Variants in CSMD1 observed in about 807,000 individuals in gnomAD.
The protein encoded by CSMD1 is CUB and Sushi multiple domains 1, also known as CUB and sushi domain-containing protein 1.
CSMD1 carries 213 observed loss-of-function variants against 417.5 expected under a neutral mutation model. The ratio of observed to expected loss-of-function variants is 0.51; its 90% CI spans 0.46 to 0.57. The LOEUF is 0.57. Among genes scored for constraint, CSMD1 ranks in the 20% least tolerant of loss-of-function variants. The pLI is 0.00. For synonymous variants in CSMD1, 2,862 were observed against 1,736.8 expected (o/e 1.65, Z -16.11); for missense variants, 6,923 against 4,529.7 (o/e 1.53, Z -15.17).
At chr8:4,329,415 G>A (rs1014441165) in intron 3 of CSMD1, among the ~76,000 whole-genome samples, 4 of 151,804 alleles carry the variant, frequency 2.6e-5, no homozygotes, top group African/African-American at 9.7e-5. Flanking sequence ...CAGCCTCCCG[G>A]GTAGCTGGGA....
intron 2 of CSMD1, among the ~76,000 whole-genome samples, chr8:4,537,944 T>C (rs1439939393): frequency 6.6e-6 from 1 of 152,238 alleles, no homozygotes; most frequent in Non-Finnish European, 1.5e-5. Flanking sequence ...TAACTGGCTC[T>C]GACAAACCAA....
chr8:3,565,199 C>A (rs13249309), intron 10 of CSMD1, among the ~76,000 whole-genome samples: 2 of 88,538 alleles, frequency 2.3e-5, no homozygotes, highest in African/African-American at 7.9e-5. Flanking sequence ...CATAGATAGA[C>A]AGATAGATAG....
intron 5 of CSMD1, among the ~76,000 whole-genome samples, chr8:3,917,539 C>T (rs766686819): frequency 6.6e-6 from 1 of 152,068 alleles, no homozygotes; most frequent in Non-Finnish European, 1.5e-5. Flanking sequence ...TGTTTTATTA[C>T]CTGGAATGCC....
intron 6 of CSMD1, among the ~76,000 whole-genome samples, chr8:3,753,123 G>T (rs551359945): frequency 6.6e-6 from 1 of 152,136 alleles, no homozygotes; most frequent in Non-Finnish European, 1.5e-5. Flanking sequence ...CACATGGCAG[G>T]TGTTCAGCGA....
intron 10 of CSMD1, among the ~76,000 whole-genome samples, chr8:3,499,099 A>C (rs566721052): frequency 2.0e-5 from 3 of 152,358 alleles, no homozygotes; most frequent in Admixed American, 1.3e-4. Context: ...GTATCTATAC[A>C]TCTGACAAAA....
At chr8:3,712,685 A>G (rs1383157650) in intron 6 of CSMD1, among the ~76,000 whole-genome samples, 2 of 152,186 alleles carry the variant, frequency 1.3e-5, no homozygotes, top group South Asian at 2.1e-4. Context: ...TAGTCCAGTT[A>G]TCTAGTTTTC....
At chr8:3,062,858 G>C (rs1394467771) in intron 49 of CSMD1, among the ~76,000 whole-genome samples, 1 of 152,132 alleles carries the variant, frequency 6.6e-6, no homozygotes, top group African/African-American at 2.4e-5. Flanking sequence ...GCAAGTAACT[G>C]ACTTTTACCC....
chr8:4,211,808 T>C (rs745497370), intron 3 of CSMD1, among the ~76,000 whole-genome samples: 4 of 152,188 alleles, frequency 2.6e-5, no homozygotes, highest in Non-Finnish European at 4.4e-5. Flanking sequence ...TTCTGGACTT[T>C]AGATGATAAT....
intron 39 of CSMD1, among the ~76,000 whole-genome samples, chr8:3,152,555 A>G (rs910582030): frequency 6.6e-6 from 1 of 152,168 alleles, no homozygotes. Flanking sequence ...CTTATTTGTA[A>G]TTTGAGAAAT....
intron 12 of CSMD1, among the ~76,000 whole-genome samples, chr8:3,455,426 T>A (rs1480855141): frequency 6.6e-6 from 1 of 152,234 alleles, no homozygotes; most frequent in Non-Finnish European, 1.5e-5. Flanking sequence ...CTCTGTTTTT[T>A]CCCCATCTTT....
At chr8:3,406,995 G>A (rs1186600668) in intron 14 of CSMD1, among the ~76,000 whole-genome samples, 1 of 152,124 alleles carries the variant, frequency 6.6e-6, no homozygotes, top group Non-Finnish European at 1.5e-5. Context: ...GGCTGAGTGG[G>A]TGGGTGGATG....
chr8:3,692,689 T>G (rs1800318226), intron 7 of CSMD1, among the ~76,000 whole-genome samples: 1 of 152,102 alleles, frequency 6.6e-6, no homozygotes, highest in Non-Finnish European at 1.5e-5. Context: ...TGCCTCGGCC[T>G]CCAGAAGTGC....
At chr8:3,611,353 G>A (rs1282429616) in intron 8 of CSMD1, among the ~76,000 whole-genome samples, 1 of 152,070 alleles carries the variant, frequency 6.6e-6, no homozygotes, top group African/African-American at 2.4e-5. Flanking sequence ...TGAAGCCTGA[G>A]GGAGCTCTGG....
intron 2 of CSMD1, among the ~76,000 whole-genome samples, chr8:4,499,479 G>C (rs913674105): frequency 6.6e-6 from 1 of 152,148 alleles, no homozygotes; most frequent in Non-Finnish European, 1.5e-5. Flanking sequence ...GGTCCTGCTT[G>C]GTAAATTGCA....
chr8:3,459,890 G>A (rs961844677), intron 12 of CSMD1, among the ~76,000 whole-genome samples: 1 of 152,110 alleles, frequency 6.6e-6, no homozygotes, highest in Admixed American at 6.5e-5. Context: ...AACTGGAGTG[G>A]TCCTAAGATT....
chr8:4,991,075 C>T (rs1811439750), intron 1 of CSMD1, among the ~76,000 whole-genome samples: 1 of 152,124 alleles, frequency 6.6e-6, no homozygotes, highest in Non-Finnish European at 1.5e-5. Context: ...AAGTAATTGT[C>T]TGCAAATACC....
chr8:4,188,282 G>C (rs565132705), intron 3 of CSMD1, among the ~76,000 whole-genome samples: 34 of 152,198 alleles, frequency 2.2e-4, no homozygotes, highest in Non-Finnish European at 4.1e-4. Flanking sequence ...CCTAGACGTC[G>C]GTCAATGTCC....
chr8:3,253,434 G>C (rs1331247110), intron 26 of CSMD1, among the ~76,000 whole-genome samples: 1 of 152,136 alleles, frequency 6.6e-6, no homozygotes, highest in Non-Finnish European at 1.5e-5. Context: ...TTGCTGAGGA[G>C]TGCTTTACTT....
At chr8:4,250,212 ATTTTG>A (rs1802970556) in intron 3 of CSMD1, among the ~76,000 whole-genome samples, 1 of 152,190 alleles carries the variant, frequency 6.6e-6, no homozygotes, top group Non-Finnish European at 1.5e-5. Context: ...GGTCTGTAGT[ATTTTG>A]TTACAACAAC....
Sources: allele counts gnomAD v4.1 joint callset (sites outside exome capture counted in the v4.1 genomes callset), GRCh38; gene constraint gnomAD v4.1.1; transcripts MANE v1.5; gene names NCBI Gene and HGNC (gene_info 2026-07-23, HGNC 2026-07-21).